Variants in RSPH9 observed in about 807,000 individuals in gnomAD.
The protein encoded by RSPH9 is radial spoke head protein 9 homolog.
RSPH9 carries 27 observed loss-of-function variants against 27.0 expected under a neutral mutation model. The ratio of observed to expected loss-of-function variants is 1.00; its 90% CI spans 0.74 to 1.38. RSPH9 has a LOEUF of 1.38. RSPH9 is among the 40% of genes most tolerant of loss of function. The pLI is 0.00. For synonymous variants in RSPH9, 145 were observed against 147.7 expected (o/e 0.98, Z 0.13); for missense variants, 347 against 357.4 (o/e 0.97, Z 0.24).
intron 4 of RSPH9, among the ~76,000 whole-genome samples, chr6:43,659,423 C>T (rs1772379396): frequency 6.6e-6 from 1 of 151,584 alleles, no homozygotes; most frequent in South Asian, 2.1e-4. Flanking sequence ...CGCTCTGTCG[C>T]CCAGGCTGGA....
chr6:43,659,139 A>C (rs1295978847), intron 4 of RSPH9, among the ~76,000 whole-genome samples: 2 of 152,128 alleles, frequency 1.3e-5, no homozygotes, highest in African/African-American at 2.4e-5. Context: ...GGTTGCAGCA[A>C]TTCAGTCACA....
intron 4 of RSPH9, among the ~76,000 whole-genome samples, chr6:43,666,961 C>G (rs1773201951): frequency 6.6e-6 from 1 of 152,186 alleles, no homozygotes; most frequent in African/African-American, 2.4e-5. Flanking sequence ...CCAGGCTGCT[C>G]TCGAACTCCT....
At chr6:43,650,953 C>T (rs532531023) in intron 2 of RSPH9, among the ~76,000 whole-genome samples, 5 of 149,170 alleles carry the variant, frequency 3.4e-5, no homozygotes, top group Admixed American at 2.0e-4. Context: ...GCAACAAGTA[C>T]GATCATTATT....
At position 43,652,231 on chromosome 6, in the gene RSPH9, G is replaced by A. The variant is rs372512564; in HGVS notation, c.393+1691G>A. On this transcript the variant is annotated intron_variant, in intron 2 of 4. Coordinates refer to ENST00000372163, the MANE Select transcript of RSPH9 (RefSeq NM_152732.5). Reference sequence around the variant, plus strand: ...TGAGGCAGGAGAATGGCATGAACCCGGGAGGCAGAGCTTGCAGTGAGCTGA... The same window carrying A: ...TGAGGCAGGAGAATGGCATGAACCCAGGAGGCAGAGCTTGCAGTGAGCTGA... Among the ~76,000 whole-genome samples, 93 of 150,912 alleles carry A rather than the reference G, an allele frequency of 6.2e-4. 1 individual carries two copies. The South Asian group carries it at 0.011, about 18-fold the overall frequency.
At chr6:43,647,149 TAAAC>T (rs1770971212) in intron 1 of RSPH9, among the ~76,000 whole-genome samples, 1 of 135,914 alleles carries the variant, frequency 7.4e-6, no homozygotes, top group African/African-American at 2.5e-5. Flanking sequence ...AATAAATAAA[TAAAC>T]AAACTTTAAA....
intron 1 of RSPH9, among the ~76,000 whole-genome samples, chr6:43,649,354 T>A (rs553481478): frequency 6.8e-4 from 103 of 151,982 alleles, no homozygotes; most frequent in African/African-American, 2.4e-3. Context: ...CAAGCCCAGC[T>A]AATTTTTTTG....
At chr6:43,666,806 G>A (rs570241316) in intron 4 of RSPH9, among the ~76,000 whole-genome samples, 2 of 152,266 alleles carry the variant, frequency 1.3e-5, no homozygotes, top group East Asian at 1.9e-4. Flanking sequence ...ACAGAGTCTC[G>A]CTGGAACCTC....
At chr6:43,651,534 C>G (rs996023204) in intron 2 of RSPH9, among the ~76,000 whole-genome samples, 56 of 151,906 alleles carry the variant, frequency 3.7e-4, no homozygotes, top group African/African-American at 1.2e-3. Flanking sequence ...GGGACATTAA[C>G]TCTCTCTCTC....
rs6915523 is a variant in RSPH9, at chr6:43,650,289, C to T, written c.228-86C>T. On this transcript the variant is annotated intron_variant, in intron 1 of 4. Transcript: ENST00000372163. Reference sequence around the variant, plus strand: ...CCATTTCAACAGCTTTTCCTGGGCCCAACCCACTAGACAGAAGGGAAGATA... The same window carrying T: ...CCATTTCAACAGCTTTTCCTGGGCCTAACCCACTAGACAGAAGGGAAGATA... The T allele has an allele frequency of 0.086, 131,389 of 1,521,772 alleles. 14,783 individuals carry two copies. The highest frequency in any genetic ancestry group is 0.55 in the African/African-American group (40,373 of 72,792). 94.3% of individuals were successfully genotyped at this position (1,521,772 alleles called of 1,614,324 possible). A position where few individuals can be genotyped will look rare whatever the true frequency, so the allele number is the denominator to read the frequency against.
chr6:43,647,624 G>A (rs1319981904), intron 1 of RSPH9, among the ~76,000 whole-genome samples: 1 of 152,214 alleles, frequency 6.6e-6, no homozygotes, highest in African/African-American at 2.4e-5. Context: ...AGAGAATTCA[G>A]GGGCAGGACT....
At chr6:43,649,978 G>A (rs6911085) in intron 1 of RSPH9, among the ~76,000 whole-genome samples, 29,887 of 152,076 alleles carry the variant, frequency 0.2, 6,433 homozygotes, top group African/African-American at 0.54. Flanking sequence ...GGCTGGTGCA[G>A]TCGTGGCTCA....
intron 4 of RSPH9, among the ~76,000 whole-genome samples, chr6:43,658,260 C>T (rs1318583394): frequency 7.7e-6 from 1 of 129,332 alleles, no homozygotes; most frequent in Non-Finnish European, 1.5e-5. Flanking sequence ...CACTGCACTC[C>T]AGCCTGGGGC....
intron 2 of RSPH9, among the ~76,000 whole-genome samples, chr6:43,654,007 A>G (rs1222957510): frequency 6.6e-6 from 1 of 152,118 alleles, no homozygotes; most frequent in Non-Finnish European, 1.5e-5. Flanking sequence ...CCTCAGTTTT[A>G]TTATTATTTT....
chr6:43,663,508 T>C (rs1003346990), intron 4 of RSPH9, among the ~76,000 whole-genome samples: 1 of 151,938 alleles, frequency 6.6e-6, no homozygotes, highest in African/African-American at 2.4e-5. Flanking sequence ...AAAGAACCAA[T>C]GCGCCCAGCC....
chr6:43,658,764 T>G (rs1311517229), intron 4 of RSPH9, among the ~76,000 whole-genome samples: 4 of 152,144 alleles, frequency 2.6e-5, no homozygotes, highest in Middle Eastern at 3.2e-3. Context: ...CAGGATGGTC[T>G]CAATCTCCTG....
At chr6:43,655,434 G>A (rs752929882) in intron 2 of RSPH9, 128 bp from the exon 3 acceptor site, 24 of 979,134 alleles carry the variant, frequency 2.5e-5, no homozygotes, top group Middle Eastern at 3.1e-4. Flanking sequence ...CCTGCCCAGC[G>A]TGATCTGTGT....
intron 1 of RSPH9, among the ~76,000 whole-genome samples, chr6:43,648,736 G>A (rs372733544): frequency 1.5e-4 from 23 of 152,330 alleles, no homozygotes; most frequent in African/African-American, 5.5e-4. Context: ...AGTAGGGGAT[G>A]GTGGCTTGGG....
chr6:43,660,644 T>C (rs1479582630), intron 4 of RSPH9, among the ~76,000 whole-genome samples: 1 of 152,020 alleles, frequency 6.6e-6, no homozygotes, highest in Non-Finnish European at 1.5e-5. Flanking sequence ...TTTGTATTTT[T>C]AGTAGAGATG....
Position 43,671,714 on chromosome 6 carries a change from T to G in RSPH9, c.*765T>G, listed in dbSNP as rs970220284. On this transcript the variant is annotated 3_prime_UTR_variant, in exon 5 of 5. Transcript: ENST00000372163. ...GCCAAGGGCTTGTGAGTGGGCCTCCTACTCCCCAGCACAGGTGCAGGAGGA... is the reference window on the plus strand; with the variant it reads ...GCCAAGGGCTTGTGAGTGGGCCTCCGACTCCCCAGCACAGGTGCAGGAGGA... 3.7e-6 allele frequency: 6 copies of G among 1,611,016 alleles called. No homozygotes were observed. In the African/African-American group the frequency reaches 6.7e-5, roughly 18 times the overall value.
Sources: gnomAD v4.1 joint callset for allele counts (sites outside exome capture counted in the v4.1 genomes callset) on GRCh38, gnomAD v4.1.1 for gene constraint, MANE v1.5 for transcripts, NCBI Gene and HGNC (gene_info 2026-07-23, HGNC 2026-07-21) for gene names.